The following NELL2 variants were observed in gnomAD, a reference collection of about 807,000 sequenced individuals.
The protein encoded by NELL2 is neural EGFL like 2, also known as protein kinase C-binding protein NELL2.
NELL2 carries 41 observed loss-of-function variants against 109.6 expected under a neutral mutation model. The observed-to-expected ratio is 0.37, with a 90% CI of 0.29 to 0.49. The LOEUF (loss-of-function observed/expected upper bound fraction) is 0.49, where lower values mean the gene tolerates loss of function less well. Ranked by LOEUF, NELL2 falls within the 20% of genes least tolerant of loss-of-function variation. The pLI is 0.98. For synonymous variants in NELL2, 355 were observed against 344.7 expected (o/e 1.03, Z -0.33); for missense variants, 900 against 1,008.3 (o/e 0.89, Z 1.45).
chr12:44,797,698 T>TA (rs1942671679), intron 3 of NELL2, among the ~76,000 whole-genome samples: 1 of 151,454 alleles, frequency 6.6e-6, no homozygotes, highest in Non-Finnish European at 1.5e-5. Flanking sequence ...AAGGTATCAT[T>TA]AAGTATCGCT....
chr12:44,686,398 G>A (rs1479484733), intron 12 of NELL2, among the ~76,000 whole-genome samples: 2 of 152,142 alleles, frequency 1.3e-5, no homozygotes, highest in Admixed American at 6.5e-5. Flanking sequence ...ATCGTCTGAA[G>A]CCTTCTTCTC....
At position 44,571,907 on chromosome 12, in the gene NELL2, A is replaced by C. The variant is rs541719648; in HGVS notation, c.1663+35262T>G. ...TATTAACCATAAGAATTTTATACTC[A>C]GGGTATGTAGATTACAGCCACCCAT... is the stretch of plus-strand genomic sequence containing the variant. On this transcript the variant is annotated intron_variant, in intron 15 of 19. Transcript: ENST00000429094. 1.4e-4 allele frequency among the ~76,000 whole-genome samples: 22 copies of C among 152,206 alleles called. No homozygotes were observed. The South Asian group carries it at 4.4e-3, about 30-fold the overall frequency.
chr12:44,671,748 AG>A (rs1327765924), intron 12 of NELL2, among the ~76,000 whole-genome samples: 1 of 152,210 alleles, frequency 6.6e-6, no homozygotes, highest in Admixed American at 6.5e-5. Flanking sequence ...ATCAATAGCA[AG>A]TAACAAGACT....
chr12:44,802,085 T>A (rs955631660), intron 3 of NELL2, among the ~76,000 whole-genome samples: 7 of 152,206 alleles, frequency 4.6e-5, no homozygotes, highest in African/African-American at 1.7e-4. Context: ...ATTTATCAGT[T>A]CGTATTACTC....
At chr12:44,615,873 TAAGTTTTTAA>T (rs955355099) in intron 13 of NELL2, among the ~76,000 whole-genome samples, 3 of 152,156 alleles carry the variant, frequency 2.0e-5, no homozygotes, top group African/African-American at 7.2e-5. Flanking sequence ...AAGGTAGATA[TAAGTTTTTAA>T]AAGAAAAGGA....
At chr12:44,574,081 T>C (rs1943974810) in intron 15 of NELL2, among the ~76,000 whole-genome samples, 1 of 152,032 alleles carries the variant, frequency 6.6e-6, no homozygotes, top group Non-Finnish European at 1.5e-5. Flanking sequence ...ATTTTTTTTT[T>C]GAGATGGAGT....
At chr12:44,598,326 C>G (rs779872700) in intron 15 of NELL2, among the ~76,000 whole-genome samples, 6 of 151,856 alleles carry the variant, frequency 4.0e-5, no homozygotes, top group Admixed American at 6.6e-5. Context: ...AGATGAGAAC[C>G]CTTTGGGAAG....
intron 1 of NELL2, among the ~76,000 whole-genome samples, chr12:44,883,242 C>G (rs1401669031): frequency 6.6e-6 from 1 of 151,966 alleles, no homozygotes; most frequent in African/African-American, 2.4e-5. Flanking sequence ...AAGCTTCACT[C>G]TGAAGACTCT....
chr12:44,649,041 C>T (rs1399296708), intron 13 of NELL2, among the ~76,000 whole-genome samples: 4 of 151,700 alleles, frequency 2.6e-5, no homozygotes, highest in Non-Finnish European at 5.9e-5. Context: ...GCTGGGATTA[C>T]AGGCTTGAGC....
chr12:44,657,836 T>G (rs1052013755), intron 13 of NELL2, among the ~76,000 whole-genome samples: 2 of 152,230 alleles, frequency 1.3e-5, no homozygotes, highest in African/African-American at 2.4e-5. Context: ...TGCATAGTAT[T>G]CCATGATGTA....
intron 15 of NELL2, among the ~76,000 whole-genome samples, chr12:44,556,838 G>C (rs773857398): frequency 2.6e-5 from 4 of 152,180 alleles, no homozygotes; most frequent in Non-Finnish European, 5.9e-5. Flanking sequence ...CCTGTGCATG[G>C]ACATGGGATG....
At chr12:44,552,291 C>T (rs1048388310) in intron 15 of NELL2, among the ~76,000 whole-genome samples, 3 of 152,154 alleles carry the variant, frequency 2.0e-5, no homozygotes, top group African/African-American at 2.4e-5. Context: ...TTCAATATTA[C>T]GGAGGAGATG....
chr12:44,796,929 G>A (rs1942644189), intron 3 of NELL2, among the ~76,000 whole-genome samples: 1 of 151,986 alleles, frequency 6.6e-6, no homozygotes, highest in South Asian at 2.1e-4. Context: ...TCTTAATGAT[G>A]AGGCCAGCAA....
At chr12:44,865,272 C>A (rs1429311083) in intron 2 of NELL2, among the ~76,000 whole-genome samples, 1 of 137,832 alleles carries the variant, frequency 7.3e-6, no homozygotes, top group Admixed American at 7.6e-5. Context: ...GGATATTAGC[C>A]CTTTGTCCGA....
At chr12:44,838,334 AT>A (rs2136743657) in intron 2 of NELL2, among the ~76,000 whole-genome samples, 1 of 152,336 alleles carries the variant, frequency 6.6e-6, no homozygotes, top group East Asian at 1.9e-4. Context: ...GTCAATATGA[AT>A]TACTTAGGTA....
At chr12:44,829,192 T>C (rs1943808740) in intron 2 of NELL2, among the ~76,000 whole-genome samples, 1 of 152,024 alleles carries the variant, frequency 6.6e-6, no homozygotes, top group Non-Finnish European at 1.5e-5. Flanking sequence ...GGCAGAAACA[T>C]TAAGCAAATA....
intron 15 of NELL2, among the ~76,000 whole-genome samples, chr12:44,544,220 A>G (rs1003985498): frequency 6.6e-6 from 1 of 152,192 alleles, no homozygotes; most frequent in African/African-American, 2.4e-5. Context: ...TTAGAATTAA[A>G]TGAGTATGAA....
At chr12:44,642,164 G>A (rs1946882960) in intron 13 of NELL2, among the ~76,000 whole-genome samples, 4 of 152,100 alleles carry the variant, frequency 2.6e-5, no homozygotes, top group Admixed American at 6.5e-5. Context: ...ATACATGTGA[G>A]CAGGTGCAAT....
chr12:44,868,507 T>C (rs193284700), intron 2 of NELL2, among the ~76,000 whole-genome samples: 49 of 152,266 alleles, frequency 3.2e-4, no homozygotes, highest in Non-Finnish European at 5.7e-4. Context: ...CGAATGCAAA[T>C]GAACACATAA....
Sources: allele counts gnomAD v4.1 joint callset (sites outside exome capture counted in the v4.1 genomes callset), GRCh38; gene constraint gnomAD v4.1.1; transcripts MANE v1.5; gene names NCBI Gene and HGNC (gene_info 2026-07-23, HGNC 2026-07-21).